MAGOHB: variants seen among roughly 807,000 people sequenced by gnomAD.
The protein encoded by MAGOHB is protein mago nashi homolog 2.
In MAGOHB, 15 loss-of-function variants were observed where a neutral mutation model predicts 20.9. The observed-to-expected ratio is 0.72, with a 90% CI of 0.48 to 1.11. MAGOHB has a LOEUF of 1.11. Ranked by LOEUF, MAGOHB falls within the 50% of genes least tolerant of loss-of-function variation. The pLI is 0.00. For synonymous variants in MAGOHB, 50 were observed against 57.9 expected (o/e 0.86, Z 0.62); for missense variants, 162 against 177.6 (o/e 0.91, Z 0.50).
At chr12:10,612,329 G>T (rs1026443) in intron 1 of MAGOHB, among the ~76,000 whole-genome samples, 8 of 151,860 alleles carry the variant, frequency 5.3e-5, no homozygotes, top group Non-Finnish European at 1.5e-5. Context: ...ACTAGGGAGG[G>T]GGAGGTTGCA....
intron 1 of MAGOHB, among the ~76,000 whole-genome samples, chr12:10,612,248 A>AAC (rs1175488103): frequency 1.4e-5 from 2 of 139,644 alleles, no homozygotes; most frequent in African/African-American, 3.0e-5. Flanking sequence ...AACATAACAT[A>AAC]ATTAGCTGGG....
At chr12:10,610,599 A>T in intron 2 of MAGOHB, 23 bp downstream of exon 2, 5 of 1,373,852 alleles carry the variant, frequency 3.6e-6, no homozygotes, top group Non-Finnish European at 3.8e-6. Flanking sequence ...AAAAAAAAAA[A>T]AAGACATTCA....
chr12:10,606,652 T>A (rs188626441), intron 4 of MAGOHB, among the ~76,000 whole-genome samples: 1,833 of 152,102 alleles, frequency 0.012, 32 homozygotes, highest in African/African-American at 0.043. Flanking sequence ...CAGAAAAAAA[T>A]AATACTGTAA....
At chr12:10,612,683 T>C in intron 1 of MAGOHB, 1 of 1,157,310 alleles carries the variant, frequency 8.6e-7, no homozygotes, top group Non-Finnish European at 1.1e-6. Context: ...AAAACGTGCA[T>C]TCAAAAAAAC....
At chr12:10,602,955 G>A (rs540744450), downstream of MAGOHB, among the ~76,000 whole-genome samples, 1 of 152,088 alleles carries the variant, frequency 6.6e-6, no homozygotes, top group Non-Finnish European at 1.5e-5. Context: ...TCACTTCACT[G>A]GGAGGACTAA....
At position 10,607,903 on chromosome 12, in the gene MAGOHB, AT is replaced by A. The variant is rs1383241215; in HGVS notation, c.297del (p.Ser100LeufsTer7). On this transcript the variant is annotated frameshift_variant, in exon 4 of 5. Transcript: ENST00000320756. LOFTEE classifies it high-confidence loss of function. ...ELEIVIGDEH[I>X]SFTTSKIGSL... Reference sequence around the variant, plus strand: ...GAACCTATTTTTGATGTGGTAAAAGATATGTGCTCATCTCCAATTACAATTT... The same window carrying A: ...GAACCTATTTTTGATGTGGTAAAAGAATGTGCTCATCTCCAATTACAATTT... The A allele has an allele frequency of 1.9e-6, 3 of 1,590,548 alleles. No homozygotes were observed. Among genetic ancestry groups the A allele is most frequent in the Non-Finnish European group, 2.6e-6 (3 of 1,167,090 alleles).
downstream of MAGOHB, among the ~76,000 whole-genome samples, chr12:10,601,054 T>C (rs750965999): frequency 5.3e-5 from 8 of 152,222 alleles, no homozygotes; most frequent in Non-Finnish European, 7.3e-5. Flanking sequence ...CCCTCCATCC[T>C]GGATTGGCTT....
At position 10,606,179 on chromosome 12, in the gene MAGOHB, G is replaced by T. The variant is rs1234606311; in HGVS notation, c.*96C>A. The T allele has an allele frequency of 1.9e-5, 12 of 638,176 alleles. No homozygotes were observed. The highest frequency in any genetic ancestry group is 3.9e-5 in the African/African-American group (2 of 51,858). The allele number at this position is 638,176 out of a possible 1,614,324, so 39.5% of individuals were successfully genotyped here. Reference sequence around the variant, plus strand: ...TTCAGTTTACATACAAATTTTTTTTGTTTGCTTCACATTCATAAAAACCCC... The same window carrying T: ...TTCAGTTTACATACAAATTTTTTTTTTTTGCTTCACATTCATAAAAACCCC... On this transcript the variant is annotated 3_prime_UTR_variant, in exon 5 of 5. Coordinates refer to ENST00000320756, the MANE Select transcript of MAGOHB (RefSeq NM_018048.5).
At chr12:10,610,756 G>T in intron 1 of MAGOHB, 76 bp from the exon 2 acceptor site, 1 of 1,349,228 alleles carries the variant, frequency 7.4e-7, no homozygotes, top group South Asian at 1.4e-5. Flanking sequence ...CAATTTTGAA[G>T]GTAAAGACCA....
rs111769773 is a variant in MAGOHB, at chr12:10,613,570, G to C, written c.-38C>G. 7.1e-6 allele frequency: 10 copies of C among 1,410,030 alleles called. No homozygotes were observed. Among genetic ancestry groups the C allele is most frequent in the Non-Finnish European group, 1.0e-5 (10 of 994,110 alleles). 87.3% of individuals were successfully genotyped at this position (1,410,030 alleles called of 1,614,324 possible). On this transcript the variant is annotated 5_prime_UTR_variant, in exon 1 of 5. Transcript: ENST00000320756. ...GAAGCCCGCCGAAAACGCAGCCAAC[G>C]TGTCCCCCGGCGCCTTGCAGTGACG...
chr12:10,599,932 C>T (rs1178128929), downstream of MAGOHB, among the ~76,000 whole-genome samples: 1 of 152,058 alleles, frequency 6.6e-6, no homozygotes, highest in African/African-American at 2.4e-5. Context: ...AAAGACATTA[C>T]TGAAATGTCT....
rs1268879197 is a variant in MAGOHB at position 10,604,794 on chromosome 12, T to C, written c.*1481A>G. The C allele has an allele frequency of 6.6e-6, 1 of 152,190 alleles. No individual in the cohort carries two copies. The highest frequency in any genetic ancestry group is 2.4e-5 in the African/African-American group (1 of 41,440). The allele number at this position is 152,190 out of a possible 1,614,324, so 9.4% of individuals were successfully genotyped here. ...GAAGTGGAAATCATTTGACTTTCCA[T>C]GGCAAACCTGAAGACAATGGGCATG... On this transcript the variant is annotated 3_prime_UTR_variant, in exon 5 of 5. Transcript: ENST00000320756.
chr12:10,609,975 C>A, intron 2 of MAGOHB, 34 bp from the exon 3 acceptor site: 1 of 1,198,720 alleles, frequency 8.3e-7, no homozygotes, highest in Non-Finnish European at 1.2e-6. Context: ...GAGATAATGC[C>A]CACCTATGTC....
At chr12:10,608,068 G>A in intron 3 of MAGOHB, 132 bp from the exon 4 acceptor site, 1 of 570,760 alleles carries the variant, frequency 1.8e-6, no homozygotes, top group South Asian at 2.3e-5. Context: ...GGGGGCGAGG[G>A]GGAAAGAAAC....
chr12:10,609,787 C>G lies in MAGOHB; in HGVS notation c.264+44G>C, dbSNP rs780837923. ...ATAACGGGAAACAAAATAGTATTAT[C>G]AATTTTTAATATTTATACACTTAAA... On this transcript the variant is annotated intron_variant, in intron 3 of 4. Coordinates refer to ENST00000320756, the MANE Select transcript of MAGOHB (RefSeq NM_018048.5). 6.0e-5 allele frequency: 73 copies of G among 1,213,286 alleles called. No individual in the cohort carries two copies. In the Middle Eastern group the frequency reaches 8.1e-4, roughly 13 times the overall value. 75.2% of individuals were successfully genotyped at this position (1,213,286 alleles called of 1,614,324 possible).
chr12:10,600,582 T>C (rs146085421), downstream of MAGOHB, among the ~76,000 whole-genome samples: 990 of 152,322 alleles, frequency 6.5e-3, 18 homozygotes, highest in African/African-American at 0.021. Flanking sequence ...AAATTATTTC[T>C]CTACTTGAGT....
chr12:10,609,840 A>C lies in MAGOHB; in HGVS notation c.255T>G (p.Val85=). The C allele has an allele frequency of 6.2e-7, 1 of 1,604,910 alleles. No individual in the cohort carries two copies. Among genetic ancestry groups the C allele is most frequent in the Non-Finnish European group, 8.5e-7 (1 of 1,172,434 alleles). The part of the protein sequence containing the change: ...DDALWPPPDR[V]GRQELEIVIG... ...ATCACTAAATACAAACCTGTCGGCC[A>C]ACCCTATCAGGGGGAGGCCACAAAG... Residue 85 remains valine, a synonymous_variant, in exon 3 of 5, where the codon GTT becomes GTG. Coordinates refer to ENST00000320756, the MANE Select transcript of MAGOHB (RefSeq NM_018048.5).
chr12:10,603,831 G>A (rs571285042), downstream of MAGOHB, among the ~76,000 whole-genome samples: 27 of 152,126 alleles, frequency 1.8e-4, no homozygotes, highest in Non-Finnish European at 3.8e-4. Context: ...ATCCATTCAT[G>A]CTAGGAATCC....
chr12:10,604,436 G>A lies in MAGOHB; in HGVS notation c.*1839C>T, dbSNP rs1865588803. 1.3e-5 allele frequency: 2 copies of A among 152,172 alleles called. No individual in the cohort carries two copies. Among genetic ancestry groups the A allele is most frequent in the African/African-American group, 4.8e-5 (2 of 41,446 alleles). 9.4% of individuals were successfully genotyped at this position (152,172 alleles called of 1,614,324 possible). On this transcript the variant is annotated 3_prime_UTR_variant, in exon 5 of 5. Transcript: ENST00000320756. Reference sequence around the variant, plus strand: ...AATATGAGAAATTCTAGTAGATAGTGGGGATAGAGCTAAATAAACGAAAAC... The same window carrying A: ...AATATGAGAAATTCTAGTAGATAGTAGGGATAGAGCTAAATAAACGAAAAC...
Sources: gnomAD v4.1 joint callset for allele counts (sites outside exome capture counted in the v4.1 genomes callset) on GRCh38, gnomAD v4.1.1 for gene constraint, MANE v1.5 for transcripts, NCBI Gene and HGNC (gene_info 2026-07-23, HGNC 2026-07-21) for gene names.